Variants in RDH12 observed in about 807,000 individuals in gnomAD.
RDH12 encodes the protein all-trans and 9-cis retinol dehydrogenase.
A neutral mutation model predicts 34.0 loss-of-function variants in RDH12; 21 were observed. The ratio of observed to expected loss-of-function variants is 0.62; its 90% CI spans 0.44 to 0.89. The LOEUF is 0.89. Ranked by LOEUF, RDH12 falls within the 40% of genes least tolerant of loss-of-function variation. RDH12 has a pLI of 0.00. For synonymous variants in RDH12, 198 were observed against 169.9 expected (o/e 1.17, Z -1.29); for missense variants, 394 against 398.6 (o/e 0.99, Z 0.10).
rs773155593 is a variant in RDH12 at position 67,726,170 on chromosome 14, G to A, written c.448+15G>A. ...CAACCACCTGGGTAAGTATCTTTGGGTGACTAAAAAATGAGGTACACCCAC... is the reference window on the plus strand; with the variant it reads ...CAACCACCTGGGTAAGTATCTTTGGATGACTAAAAAATGAGGTACACCCAC... On this transcript the variant is annotated intron_variant, in intron 6 of 8. Transcript: ENST00000551171. 2.7e-6 allele frequency: 4 copies of A among 1,508,088 alleles called. No individual in the cohort carries two copies. The highest frequency in any genetic ancestry group is 3.7e-6 in the Non-Finnish European group (4 of 1,083,336). The allele number at this position is 1,508,088 out of a possible 1,614,324, so 93.4% of individuals were successfully genotyped here. A position where few individuals can be genotyped will look rare whatever the true frequency, so the allele number is the denominator to read the frequency against.
intron 8 of RDH12, among the ~76,000 whole-genome samples, chr14:67,733,093 C>T (rs1317527072): frequency 6.6e-6 from 1 of 151,526 alleles, no homozygotes; most frequent in Admixed American, 6.6e-5. Flanking sequence ...GCACGTTGTG[C>T]ACATGTACCC....
intron 1 of RDH12, among the ~76,000 whole-genome samples, chr14:67,712,023 G>A (rs2038014008): frequency 6.6e-6 from 1 of 152,124 alleles, no homozygotes; most frequent in East Asian, 1.9e-4. Context: ...AGGTTCAAGT[G>A]ATTCTCCTGC....
At chr14:67,727,232 C>T in intron 7 of RDH12, 42 bp downstream of exon 7, 1 of 1,533,072 alleles carries the variant, frequency 6.5e-7, no homozygotes. Context: ...GGTCCTCAGA[C>T]CAAATTAGAG....
At position 67,726,968 on chromosome 14, in the gene RDH12, G is replaced by A. The variant is rs1340088896; in HGVS notation, c.449-13G>A. On this transcript the variant is annotated splice_polypyrimidine_tract_variant and intron_variant, in intron 6 of 8. Coordinates refer to ENST00000551171, the MANE Select transcript of RDH12 (RefSeq NM_152443.3). ...ATTCCACTTTCAATCTTCCCTGCTGGCTCTCCTCACAGGCCACTTCCTCCT... is the reference window on the plus strand; with the variant it reads ...ATTCCACTTTCAATCTTCCCTGCTGACTCTCCTCACAGGCCACTTCCTCCT... 7.5e-6 allele frequency: 12 copies of A among 1,610,636 alleles called. No individual in the cohort carries two copies. The highest frequency in any genetic ancestry group is 9.3e-6 in the Non-Finnish European group (11 of 1,178,958).
chr14:67,714,264 T>C (rs912298649), intron 1 of RDH12, among the ~76,000 whole-genome samples: 11 of 152,064 alleles, frequency 7.2e-5, no homozygotes, highest in Non-Finnish European at 1.3e-4. Flanking sequence ...GCCTCTTGAG[T>C]AGCAGGGACT....
At chr14:67,708,801 T>A (rs1345195086) in intron 1 of RDH12, among the ~76,000 whole-genome samples, 2 of 151,170 alleles carry the variant, frequency 1.3e-5, no homozygotes, top group African/African-American at 4.9e-5. Flanking sequence ...TACCTTTTTT[T>A]TTTTTTTTTT....
In RDH12 at chr14:67,724,552, G is replaced by A. The variant is rs2140141345; in HGVS notation, c.148G>A (p.Gly50Ser). The A allele has an allele frequency of 6.2e-7, 1 of 1,613,984 alleles. No individual in the cohort carries two copies. The highest frequency in any genetic ancestry group is 1.7e-5 in the Admixed American group (1 of 60,024). ...AGTGGTGATCACTGGCGCCAACACG[G>A]GCATTGGCAAGGAGACGGCCAGAGA... Reference protein sequence around the residue: ...KVVVITGANTGIGKETARELA... With the variant: ...KVVVITGANTSIGKETARELA... Residue 50 changes from glycine to serine, a missense_variant, in exon 4 of 9, where the codon GGC (glycine) becomes AGC (serine). Gly to Ser is a moderately conservative substitution (Grantham distance 56). Coordinates refer to ENST00000551171, the MANE Select transcript of RDH12 (RefSeq NM_152443.3).
At chr14:67,729,513 G>A (rs953583763) in intron 8 of RDH12, 133 bp downstream of exon 8, 39 of 827,112 alleles carry the variant, frequency 4.7e-5, no homozygotes, top group Middle Eastern at 3.3e-4. Flanking sequence ...CCTGCAAACA[G>A]AATGCCGTTG....
chr14:67,719,639 A>G (rs1236175316), intron 1 of RDH12, among the ~76,000 whole-genome samples: 1 of 151,564 alleles, frequency 6.6e-6, no homozygotes, highest in Non-Finnish European at 1.5e-5. Context: ...CAGGCCAGCT[A>G]ATTTTTAGTT....
At chr14:67,702,575 C>A (rs940588424) in intron 1 of RDH12, among the ~76,000 whole-genome samples, 13 of 152,016 alleles carry the variant, frequency 8.6e-5, no homozygotes, top group Non-Finnish European at 1.6e-4. Context: ...TGTATGTTGA[C>A]AATTTTGAAG....
rs754961172 is a variant in RDH12, at chr14:67,724,502, C to G, written c.98C>G (p.Thr33Arg). 1.9e-6 allele frequency: 3 copies of G among 1,595,556 alleles called. No homozygotes were observed. Among genetic ancestry groups the G allele is most frequent in the Non-Finnish European group, 2.6e-6 (3 of 1,169,730 alleles). ...TTCTTTGCTGGTGGAGTGTGTAGAA[C>G]AAATGTGCAGCTTCCTGGCAAGGTA... ...RKFFAGGVCR[T>R]NVQLPGKVVV... The change falls in exon 4 of 9, where the codon ACA becomes AGA. Residue 33 changes from threonine (T) to arginine (R), a missense_variant. Coordinates refer to ENST00000551171, the MANE Select transcript of RDH12 (RefSeq NM_152443.3).
chr14:67,713,714 G>A (rs955054741), intron 1 of RDH12, among the ~76,000 whole-genome samples: 2 of 152,194 alleles, frequency 1.3e-5, no homozygotes, highest in Admixed American at 1.3e-4. Context: ...CCAAGACACA[G>A]CCTCAGGAGG....
At chr14:67,727,543 T>C (rs1303019134) in intron 7 of RDH12, 1 of 318,010 alleles carries the variant, frequency 3.1e-6, no homozygotes, top group African/African-American at 2.2e-5. Flanking sequence ...AGTGCAGTAG[T>C]GCGATCTTGG....
chr14:67,721,674 C>T (rs1329444493), intron 2 of RDH12, among the ~76,000 whole-genome samples: 1 of 151,828 alleles, frequency 6.6e-6, no homozygotes, highest in Non-Finnish European at 1.5e-5. Context: ...CTCTTATATA[C>T]TGTTTAGCAT....
intron 1 of RDH12, among the ~76,000 whole-genome samples, chr14:67,719,814 TTC>T (rs1487460657): frequency 2.0e-5 from 3 of 152,222 alleles, no homozygotes; most frequent in Admixed American, 2.0e-4. Flanking sequence ...TTTTTATTTA[TTC>T]TGTTTCTTAA....
In RDH12 at chr14:67,727,101, G is replaced by A. The variant is rs371107041; in HGVS notation, c.569G>A (p.Ser190Asn). ...AAGATTCCCTTCCACGACCTCCAGAGCGAGAAGCGCTACAGCAGGGGTTTT... is the reference window on the plus strand; with the variant it reads ...AAGATTCCCTTCCACGACCTCCAGAACGAGAAGCGCTACAGCAGGGGTTTT... ...IGKIPFHDLQ[S>N]EKRYSRGFAY... Residue 190 changes from serine (S) to asparagine (N), a missense_variant, in exon 7 of 9, where the codon AGC (serine) becomes AAC (asparagine). Coordinates refer to ENST00000551171, the MANE Select transcript of RDH12 (RefSeq NM_152443.3). 3.5e-5 allele frequency: 56 copies of A among 1,614,082 alleles called. No homozygotes were observed. Among genetic ancestry groups the A allele is most frequent in the African/African-American group, 1.9e-4 (14 of 74,938 alleles).
chr14:67,713,809 T>G (rs2038037775), intron 1 of RDH12, among the ~76,000 whole-genome samples: 1 of 152,144 alleles, frequency 6.6e-6, no homozygotes, highest in Admixed American at 6.5e-5. Context: ...TCAACATATG[T>G]AAAATGAACA....
intron 1 of RDH12, among the ~76,000 whole-genome samples, chr14:67,710,428 G>A (rs897825122): frequency 1.2e-4 from 18 of 151,988 alleles, no homozygotes; most frequent in South Asian, 4.2e-4. Context: ...TTATAAATCC[G>A]CTTATTGTGA....
chr14:67,733,630 G>GTATTTT (rs1353623743), intron 8 of RDH12, 116 bp from the exon 9 acceptor site: 3 of 696,956 alleles, frequency 4.3e-6, no homozygotes, highest in Non-Finnish European at 7.7e-6. Flanking sequence ...TAGTTTCTTT[G>GTATTTT]AGTCTGGCAT....
Sources: gnomAD v4.1 joint callset for allele counts (sites outside exome capture counted in the v4.1 genomes callset) on GRCh38, gnomAD v4.1.1 for gene constraint, MANE v1.5 for transcripts, NCBI Gene and HGNC (gene_info 2026-07-23, HGNC 2026-07-21) for gene names.